The following UNC79 variants were observed in gnomAD, a reference collection of about 807,000 sequenced individuals.
UNC79 encodes the protein protein unc-79 homolog.
A neutral mutation model predicts 283.1 loss-of-function variants in UNC79; 37 were observed. That is an observed-to-expected ratio of 0.13 (90% confidence interval 0.10 to 0.17). The LOEUF is 0.17. Among genes scored for constraint, UNC79 ranks in the 10% least tolerant of loss-of-function variants. The pLI, the probability that UNC79 is intolerant of heterozygous loss-of-function variation, is 1.00. For synonymous variants in UNC79, 1,107 were observed against 1,200.2 expected (o/e 0.92, Z 1.61); for missense variants, 2,272 against 3,211.1 (o/e 0.71, Z 7.07).
rs373811681 is a variant in UNC79, at chr14:93,438,694, G to A, written c.22+7643G>A. ...TTTTTTTTCACGTAACCCTCATTGC[G>A]TTAGATCTTTTTCATTCTTCCAAAA... is the stretch of plus-strand genomic sequence containing the variant. On this transcript the variant is annotated intron_variant, in intron 1 of 48. Coordinates refer to ENST00000555664, the Ensembl canonical transcript of UNC79. 6.1e-5 allele frequency among the ~76,000 whole-genome samples: 9 copies of A among 148,536 alleles called. No homozygotes were observed. In the East Asian group the frequency reaches 7.8e-4, roughly 13 times the overall value.
chr14:93,642,424 C>CAAAAAAAA lies in UNC79; in HGVS notation c.5904-1120_5904-1113dup, dbSNP rs5810634. Among the ~76,000 whole-genome samples, 27 of 106,158 alleles carry CAAAAAAAA rather than the reference C, an allele frequency of 2.5e-4. 1 individual carries two copies. Among genetic ancestry groups the CAAAAAAAA allele is most frequent in the African/African-American group, 9.6e-4 (26 of 27,050 alleles). The allele number at this position is 106,158 out of a possible 152,430, so 69.6% of individuals were successfully genotyped here. A position where few individuals can be genotyped will look rare whatever the true frequency, so the allele number is the denominator to read the frequency against. ...TGGGTGACAGAGCAAGACTCCATCT[C>CAAAAAAAA]AAAAAAAAAAAAAAAAAAAAGTGAG... On this transcript the variant is annotated intron_variant, in intron 33 of 48. Transcript: ENST00000555664.
At chr14:93,695,086 C>T (rs983259229) in intron 47 of UNC79, among the ~76,000 whole-genome samples, 8 of 152,244 alleles carry the variant, frequency 5.3e-5, no homozygotes, top group African/African-American at 1.7e-4. Flanking sequence ...TTTCCCACTC[C>T]GTTTATCTTT....
At chr14:93,402,018 C>T (rs1031679158) in intron 1 of UNC79, among the ~76,000 whole-genome samples, 2 of 152,102 alleles carry the variant, frequency 1.3e-5, no homozygotes, top group Non-Finnish European at 2.9e-5. Context: ...TGGCTCATGC[C>T]TGTAATCCCA....
At chr14:93,542,395 C>G in intron 13 of UNC79, 71 bp from the exon 14 acceptor site, 1 of 1,456,450 alleles carries the variant, frequency 6.9e-7, no homozygotes, top group South Asian at 1.3e-5. Flanking sequence ...TTTTTTGCCT[C>G]TTAATGCACC....
intron 35 of UNC79, among the ~76,000 whole-genome samples, chr14:93,650,281 G>T (rs990004186): frequency 4.6e-5 from 7 of 152,214 alleles, no homozygotes; most frequent in African/African-American, 1.4e-4. Context: ...TCTTATAAAA[G>T]CCCTTTTTAA....
intron 1 of UNC79, among the ~76,000 whole-genome samples, chr14:93,377,245 A>G (rs151239027): frequency 0.018 from 2,792 of 151,964 alleles, 37 homozygotes; most frequent in Non-Finnish European, 0.029. Flanking sequence ...GCCCGCCACC[A>G]TGCCTGGCTA....
At chr14:93,519,802 G>T (rs1345190947) in intron 7 of UNC79, among the ~76,000 whole-genome samples, 1 of 151,488 alleles carries the variant, frequency 6.6e-6, no homozygotes, top group Non-Finnish European at 1.5e-5. Flanking sequence ...ATAATGTAAG[G>T]CCTTTTTGTA....
chr14:93,578,568 T>A (rs2141704720), intron 18 of UNC79, among the ~76,000 whole-genome samples: 1 of 152,354 alleles, frequency 6.6e-6, no homozygotes, highest in Non-Finnish European at 1.5e-5. Flanking sequence ...ATTCTCCAGA[T>A]GTTAACATTT....
intron 14 of UNC79, among the ~76,000 whole-genome samples, chr14:93,570,633 A>G (rs1384267451): frequency 6.6e-6 from 1 of 152,106 alleles, no homozygotes; most frequent in Non-Finnish European, 1.5e-5. Context: ...ATTTAATTTT[A>G]TTAAGGGAGC....
Position 93,548,267 on chromosome 14 carries a change from AAGGTAGCTCTCTG to A in UNC79, c.1755+5576_1755+5588del, listed in dbSNP as rs2061702004. Among the ~76,000 whole-genome samples, 3 of 152,282 alleles carry A rather than the reference AAGGTAGCTCTCTG, an allele frequency of 2.0e-5. No homozygotes were observed. In the South Asian group the frequency reaches 6.2e-4, roughly 32 times the overall value. On this transcript the variant is annotated intron_variant, in intron 14 of 48. Transcript: ENST00000555664. ...AGTGTCCTTATGTGGTGGAAGGGGC[AAGGTAGCTCTCTG>A]AGGTCCCTTTTACAAGGGCGTTCAT...
chr14:93,704,334 T>C (rs2075727878), intron 47 of UNC79, among the ~76,000 whole-genome samples: 1 of 152,220 alleles, frequency 6.6e-6, no homozygotes, highest in African/African-American at 2.4e-5. Flanking sequence ...ATTAAATAAA[T>C]ACACATTTAA....
chr14:93,347,465 G>A, intron 1 of UNC79: 1 of 1,376,670 alleles, frequency 7.3e-7, no homozygotes. Context: ...GACGGGTGGG[G>A]AGAAGGGAGG....
chr14:93,615,026 A>G (rs2066595165), intron 27 of UNC79, among the ~76,000 whole-genome samples: 1 of 152,242 alleles, frequency 6.6e-6, no homozygotes, highest in African/African-American at 2.4e-5. Context: ...CTGCAAAGAT[A>G]GAGGACTTGG....
exon 27 of UNC79, chr14:93,612,852 T>C: frequency 1.2e-6 from 2 of 1,614,100 alleles, no homozygotes; most frequent in African/African-American, 2.7e-5. Flanking sequence ...CAGAAGACGC[T>C]GGGATCGACC....
chr14:93,621,289 T>C lies in UNC79; in HGVS notation c.4388-332T>C, dbSNP rs907565960. 6.6e-6 allele frequency among the ~76,000 whole-genome samples: 1 copy of C among 152,184 alleles called. No homozygotes were observed. The highest frequency in any genetic ancestry group is 6.5e-5 in the Admixed American group (1 of 15,272). ...ATTTGTTGCAAAATGTTTGCTTCTC[T>C]TCCACACGATTTGAATACAGTTTCC... is the stretch of plus-strand genomic sequence containing the variant. On this transcript the variant is annotated intron_variant, in intron 29 of 48. Transcript: ENST00000555664. The surrounding 1 kb of genome is among the most constrained non-coding windows in gnomAD (Gnocchi z 4.8).
chr14:93,444,376 T>C (rs779572574), intron 1 of UNC79, among the ~76,000 whole-genome samples: 6 of 152,184 alleles, frequency 3.9e-5, no homozygotes, highest in Non-Finnish European at 7.4e-5. Flanking sequence ...TTCCAATCTG[T>C]GGCTTACCTT....
At chr14:93,433,811 C>T (rs894198610) in intron 1 of UNC79, among the ~76,000 whole-genome samples, 5 of 152,164 alleles carry the variant, frequency 3.3e-5, no homozygotes, top group African/African-American at 1.2e-4. Context: ...TCAACCCAAA[C>T]CAGCTTACTC....
chr14:93,601,204 G>A (rs1378513277), intron 25 of UNC79, among the ~76,000 whole-genome samples: 4 of 152,148 alleles, frequency 2.6e-5, no homozygotes, highest in African/African-American at 9.7e-5. Flanking sequence ...CCCGTCACCT[G>A]AGCATTGTAC....
chr14:93,660,553 ATATATATATATGTGTGTGTGTG>A lies in UNC79; in HGVS notation c.6525+1294_6525+1315del, dbSNP rs1286242328. Reference sequence around the variant, plus strand: ...TATATATATATATATATATATATATATATATATATATGTGTGTGTGTGTGTGTTCATTTTATTTTATTTTATT... The same window carrying A: ...TATATATATATATATATATATATATATGTGTTCATTTTATTTTATTTTATT... On this transcript the variant is annotated intron_variant, in intron 39 of 48. Transcript: ENST00000555664. Among the ~76,000 whole-genome samples, 203 of 105,380 alleles carry A rather than the reference ATATATATATATGTGTGTGTGTG, an allele frequency of 1.9e-3. 3 individuals are homozygous for A. Among genetic ancestry groups the A allele is most frequent in the African/African-American group, 8.3e-3 (190 of 22,832 alleles). The allele number at this position is 105,380 out of a possible 152,430, so 69.1% of individuals were successfully genotyped here. A position where few individuals can be genotyped will look rare whatever the true frequency, so the allele number is the denominator to read the frequency against.
Sources: allele counts gnomAD v4.1 joint callset (sites outside exome capture counted in the v4.1 genomes callset), GRCh38; gene constraint gnomAD v4.1.1; non-coding constraint Gnocchi (gnomAD v3.1); transcripts MANE v1.5; gene names NCBI Gene and HGNC (gene_info 2026-07-23, HGNC 2026-07-21).